Variants in KIAA0825 observed in about 807,000 individuals in gnomAD.
KIAA0825 encodes the protein KIAA0825.
Under a neutral mutation model 147.6 loss-of-function variants are expected in KIAA0825, and 119 were observed. That is an observed-to-expected ratio of 0.81 (90% confidence interval 0.69 to 0.94). The LOEUF is 0.94. KIAA0825 is among the 40% of genes least tolerant of loss of function. KIAA0825 has a pLI of 0.00. For synonymous variants in KIAA0825, 470 were observed against 518.1 expected, an observed-to-expected ratio of 0.91 and a Z score of 1.26; for missense variants, 1,381 against 1,472.7, an observed-to-expected ratio of 0.94 and a Z score of 1.02.
intron 20 of KIAA0825, among the ~76,000 whole-genome samples, chr5:94,276,915 C>T (rs1394491904): frequency 6.6e-6 from 1 of 152,020 alleles, no homozygotes; most frequent in Non-Finnish European, 1.5e-5. Flanking sequence ...CACTTTTGGC[C>T]TCTCTCCGCC....
chr5:94,232,674 T>G (rs1440374016), intron 20 of KIAA0825, among the ~76,000 whole-genome samples: 2 of 152,116 alleles, frequency 1.3e-5, no homozygotes, highest in East Asian at 1.9e-4. Context: ...CTTTTGTAAT[T>G]GATATTTTTA....
intron 20 of KIAA0825, among the ~76,000 whole-genome samples, chr5:94,339,324 G>A (rs148014690): frequency 1.3e-5 from 2 of 152,086 alleles, no homozygotes; most frequent in African/African-American, 4.8e-5. Flanking sequence ...ATGAGTTTTA[G>A]TATGATGAGT....
chr5:94,216,066 G>A (rs1337908965), intron 20 of KIAA0825, among the ~76,000 whole-genome samples: 1 of 152,042 alleles, frequency 6.6e-6, no homozygotes, highest in Admixed American at 6.6e-5. Flanking sequence ...GGTGTGTCTA[G>A]GGAAGATAAG....
chr5:94,537,858 T>C (rs956694975), intron 2 of KIAA0825, among the ~76,000 whole-genome samples: 1 of 152,114 alleles, frequency 6.6e-6, no homozygotes, highest in African/African-American at 2.4e-5. Flanking sequence ...CTTAGACTTT[T>C]TGAAGCTTCA....
At chr5:94,458,313 T>C (rs1759382150) in intron 12 of KIAA0825, among the ~76,000 whole-genome samples, 1 of 152,158 alleles carries the variant, frequency 6.6e-6, no homozygotes, top group Admixed American at 6.5e-5. Flanking sequence ...AGTAGATTCA[T>C]GGTAAATACA....
At chr5:94,224,175 C>T (rs1301574287) in intron 20 of KIAA0825, among the ~76,000 whole-genome samples, 2 of 143,924 alleles carry the variant, frequency 1.4e-5, no homozygotes. Flanking sequence ...CTCACTACAA[C>T]CTCCACCTCT....
At chr5:94,495,080 A>G (rs1351256351) in intron 5 of KIAA0825, among the ~76,000 whole-genome samples, 1 of 152,166 alleles carries the variant, frequency 6.6e-6, no homozygotes, top group Non-Finnish European at 1.5e-5. Flanking sequence ...TTCTCTTCAC[A>G]CTTTTTTATC....
At position 94,484,803 on chromosome 5, in the gene KIAA0825, T is replaced by C; in HGVS notation, c.1098A>G (p.Ile366Met). The change falls in exon 6 of 21, where the codon ATA (isoleucine) becomes ATG (methionine). Residue 366 changes from isoleucine to methionine, a missense_variant. Physicochemically the swap from Ile to Met is conservative, Grantham distance 10. Transcript: ENST00000682413. ...CCCTGGTTATCTTGAGTGATAAAAG[T>C]ATTTCGTCAAACAATTCTTGAACAC... ...EKGVQELFDE[I>M]LLSLKITRDT... 1.3e-6 allele frequency: 2 copies of C among 1,515,304 alleles called. No homozygotes were observed. Among genetic ancestry groups the C allele is most frequent in the Non-Finnish European group, 1.8e-6 (2 of 1,122,896 alleles). The allele number at this position is 1,515,304 out of a possible 1,614,324, so 93.9% of individuals were successfully genotyped here.
chr5:94,232,840 T>C (rs1398266145), intron 20 of KIAA0825, among the ~76,000 whole-genome samples: 1 of 152,154 alleles, frequency 6.6e-6, no homozygotes, highest in Non-Finnish European at 1.5e-5. Context: ...TTTCTTGCTC[T>C]CTAGACATAA....
At chr5:94,583,081 C>T (rs966083226) in intron 1 of KIAA0825, among the ~76,000 whole-genome samples, 13 of 152,014 alleles carry the variant, frequency 8.6e-5, no homozygotes, top group Admixed American at 6.5e-4. Context: ...GGAACAGCTC[C>T]GGTCTACAGC....
In KIAA0825 at chr5:94,264,593, A is replaced by C. The variant is rs1328879067; in HGVS notation, c.3711-110469T>G. 2.0e-5 allele frequency among the ~76,000 whole-genome samples: 3 copies of C among 152,064 alleles called. No homozygotes were observed. The East Asian group carries it at 5.8e-4, about 29-fold the overall frequency. ...AATATCTTTTATTTGCATTCATGTC[A>C]ATTTCTGAACTTTTGCTTACACTAT... On this transcript the variant is annotated intron_variant, in intron 20 of 20. Coordinates refer to ENST00000682413, the MANE Select transcript of KIAA0825 (RefSeq NM_001145678.3).
chr5:94,244,711 CAT>C (rs1456614057), intron 20 of KIAA0825, among the ~76,000 whole-genome samples: 3 of 152,104 alleles, frequency 2.0e-5, no homozygotes, highest in South Asian at 2.1e-4. Context: ...ACAGAGCAGA[CAT>C]GTGGATCATG....
intron 20 of KIAA0825, among the ~76,000 whole-genome samples, chr5:94,255,914 A>T (rs779265964): frequency 8.6e-5 from 13 of 151,640 alleles, no homozygotes; most frequent in Non-Finnish European, 1.8e-4. Context: ...AGGTCTCATT[A>T]TCTTACCTAG....
chr5:94,163,268 T>G (rs568709762), intron 20 of KIAA0825, among the ~76,000 whole-genome samples: 1 of 152,302 alleles, frequency 6.6e-6, no homozygotes, highest in South Asian at 2.1e-4. Flanking sequence ...TTAATTTAGG[T>G]CACATATCAC....
intron 20 of KIAA0825, among the ~76,000 whole-genome samples, chr5:94,159,112 C>CA (rs1175940568): frequency 6.6e-6 from 1 of 152,024 alleles, no homozygotes; most frequent in Non-Finnish European, 1.5e-5. Context: ...CTCATGGTCC[C>CA]AATACAGTTG....
intron 20 of KIAA0825, among the ~76,000 whole-genome samples, chr5:94,300,843 G>T (rs546622444): frequency 6.6e-6 from 1 of 152,116 alleles, no homozygotes; most frequent in Non-Finnish European, 1.5e-5. Flanking sequence ...ATTTTAGGGG[G>T]TTAGGGAGGA....
chr5:94,489,425 G>C (rs543367285), intron 5 of KIAA0825, among the ~76,000 whole-genome samples: 1 of 152,246 alleles, frequency 6.6e-6, no homozygotes, highest in African/African-American at 2.4e-5. Context: ...TTGTGTGCTA[G>C]AGTTTGAGAC....
chr5:94,275,737 A>C (rs770371916), intron 20 of KIAA0825, among the ~76,000 whole-genome samples: 32 of 152,124 alleles, frequency 2.1e-4, no homozygotes, highest in Non-Finnish European at 3.8e-4. Flanking sequence ...ATATGGAGCC[A>C]CCTTGCTCCC....
At position 94,408,770 on chromosome 5, in the gene KIAA0825, T is replaced by C. The variant is rs563439435; in HGVS notation, c.2663-4977A>G. Among the ~76,000 whole-genome samples, 55 of 152,290 alleles carry C rather than the reference T, an allele frequency of 3.6e-4. 1 individual carries two copies. Among genetic ancestry groups the C allele is most frequent in the Non-Finnish European group, 2.1e-4 (14 of 68,024 alleles). On this transcript the variant is annotated intron_variant, in intron 15 of 20. Transcript: ENST00000682413. ...TTTTCACCATAGAGCACTGCATTAA[T>C]GTATAGAAGAAGAGAAGAACGTACA...
Sources: allele counts gnomAD v4.1 joint callset (sites outside exome capture counted in the v4.1 genomes callset), GRCh38; gene constraint gnomAD v4.1.1; transcripts MANE v1.5; gene names NCBI Gene and HGNC (gene_info 2026-07-23, HGNC 2026-07-21).